The following DLG2 variants were observed in gnomAD, a reference collection of about 807,000 sequenced individuals.
DLG2 encodes discs large MAGUK scaffold protein 2, also known as disks large homolog 2.
Under a neutral mutation model 132.5 loss-of-function variants are expected in DLG2, and 45 were observed. The observed-to-expected ratio is 0.34, with a 90% CI of 0.27 to 0.44. The LOEUF (loss-of-function observed/expected upper bound fraction) is 0.44. Ranked by LOEUF, DLG2 falls within the 20% of genes least tolerant of loss-of-function variation. The probability of loss-of-function intolerance (pLI) is 1.00; values close to 1 mark genes in which losing one functional copy is unlikely to be tolerated. For missense variants in DLG2, 1,045 were observed against 1,196.9 expected, an observed-to-expected ratio of 0.87 and a Z score of 1.87; for synonymous variants, 424 against 419.6, an observed-to-expected ratio of 1.01 and a Z score of -0.13.
intron 3 of DLG2, among the ~76,000 whole-genome samples, chr11:85,472,851 A>T (rs2093028849): frequency 6.6e-6 from 1 of 152,216 alleles, no homozygotes; most frequent in Non-Finnish European, 1.5e-5. Context: ...AATGAGCTGT[A>T]ACACAAACTA....
intron 18 of DLG2, chr11:83,647,224 C>G (rs1480991468): frequency 1.4e-5 from 2 of 139,910 alleles, no homozygotes; most frequent in African/African-American, 5.3e-5. Context: ...GGTTAAAAGC[C>G]TGGTTACCAG....
chr11:85,390,336 C>T (rs990881318), intron 3 of DLG2, among the ~76,000 whole-genome samples: 1 of 151,974 alleles, frequency 6.6e-6, no homozygotes. Flanking sequence ...CTGACATTGG[C>T]ACTCCCAAAT....
chr11:84,496,338 G>T (rs1387227525), intron 7 of DLG2, among the ~76,000 whole-genome samples: 1 of 152,138 alleles, frequency 6.6e-6, no homozygotes, highest in East Asian at 1.9e-4. Flanking sequence ...GGTGAGCTCT[G>T]TGTGTTTTCA....
At chr11:84,913,576 G>T (rs192951842) in intron 6 of DLG2, among the ~76,000 whole-genome samples, 73 of 151,408 alleles carry the variant, frequency 4.8e-4, no homozygotes, top group African/African-American at 1.7e-3. Context: ...TTAATGACAT[G>T]ATTCTTATCT....
At chr11:83,763,198 T>C (rs1402452473) in intron 18 of DLG2, among the ~76,000 whole-genome samples, 3 of 152,196 alleles carry the variant, frequency 2.0e-5, no homozygotes, top group Non-Finnish European at 2.9e-5. Context: ...ATTTTAGGTT[T>C]AGGCGTATAT....
intron 18 of DLG2, among the ~76,000 whole-genome samples, chr11:83,720,383 T>C (rs2088162966): frequency 6.7e-6 from 1 of 149,020 alleles, no homozygotes; most frequent in African/African-American, 2.5e-5. Flanking sequence ...ACCATTTCTG[T>C]TTCTCAAGCT....
intron 15 of DLG2, among the ~76,000 whole-genome samples, chr11:83,877,289 T>C (rs1442832630): frequency 6.6e-6 from 1 of 152,148 alleles, no homozygotes; most frequent in Non-Finnish European, 1.5e-5. Flanking sequence ...TTTTTCCGTA[T>C]ACTTATTGGC....
intron 6 of DLG2, among the ~76,000 whole-genome samples, chr11:84,908,426 A>T (rs781587992): frequency 6.6e-6 from 1 of 152,042 alleles, no homozygotes; most frequent in African/African-American, 2.4e-5. Flanking sequence ...TCCAGTCGTT[A>T]CTCTATCAGA....
chr11:84,843,883 T>A (rs1471275995), intron 6 of DLG2, among the ~76,000 whole-genome samples: 10 of 151,456 alleles, frequency 6.6e-5, no homozygotes, highest in African/African-American at 2.4e-4. Context: ...TATATACTTA[T>A]TTCTTTATTT....
chr11:83,939,581 T>C (rs886992484), intron 14 of DLG2, among the ~76,000 whole-genome samples: 1 of 152,156 alleles, frequency 6.6e-6, no homozygotes, highest in Non-Finnish European at 1.5e-5. Flanking sequence ...AAATATAATA[T>C]TACAGAATAA....
chr11:84,111,447 AG>A (rs1419352276), intron 9 of DLG2, among the ~76,000 whole-genome samples: 8 of 152,124 alleles, frequency 5.3e-5, no homozygotes, highest in African/African-American at 1.9e-4. Context: ...TCTGGAAGGC[AG>A]GGGCCCCACT....
chr11:84,924,820 G>A (rs2092917327), intron 6 of DLG2, among the ~76,000 whole-genome samples: 1 of 152,080 alleles, frequency 6.6e-6, no homozygotes, highest in South Asian at 2.1e-4. Flanking sequence ...CAAATTATAA[G>A]CACTTACAAC....
At chr11:84,581,539 A>G (rs2099516245) in intron 6 of DLG2, among the ~76,000 whole-genome samples, 1 of 152,228 alleles carries the variant, frequency 6.6e-6, no homozygotes, top group Non-Finnish European at 1.5e-5. Context: ...TTAATTTTAA[A>G]CATATGATAG....
chr11:84,923,271 G>C (rs2092845009), intron 6 of DLG2: 4 of 1,488,664 alleles, frequency 2.7e-6, no homozygotes, highest in East Asian at 2.5e-5. Context: ...ACTACAAAAC[G>C]ACATGTCTTG....
At chr11:83,782,459 T>C (rs2094870470) in intron 18 of DLG2, among the ~76,000 whole-genome samples, 2 of 152,208 alleles carry the variant, frequency 1.3e-5, no homozygotes, top group African/African-American at 4.8e-5. Flanking sequence ...ACTGTCATAA[T>C]GGGCACACCA....
intron 17 of DLG2, among the ~76,000 whole-genome samples, chr11:83,797,485 T>G (rs1263977465): frequency 6.6e-6 from 1 of 151,924 alleles, no homozygotes; most frequent in African/African-American, 2.4e-5. Context: ...GGCAGTGTGG[T>G]TTAAGTGTCT....
intron 3 of DLG2, among the ~76,000 whole-genome samples, chr11:85,350,761 G>C (rs933631367): frequency 6.6e-6 from 1 of 152,124 alleles, no homozygotes; most frequent in South Asian, 2.1e-4. Flanking sequence ...CTGTTCCATT[G>C]GTCTATGTCT....
At position 84,602,338 on chromosome 11, in the gene DLG2, T is replaced by C. The variant is rs558036298; in HGVS notation, c.358-67607A>G. 2.0e-5 allele frequency among the ~76,000 whole-genome samples: 3 copies of C among 148,424 alleles called. 1 individual carries two copies. The highest frequency in any genetic ancestry group is 4.2e-4 in the South Asian group (2 of 4,736). ...TCCATTCTACTGGTGAAAAAAAAAA[T>C]AGGGAATTTAACTGACTTGCCCAAT... On this transcript the variant is annotated intron_variant, in intron 6 of 27. Coordinates refer to ENST00000376104, the MANE Select transcript of DLG2 (RefSeq NM_001142699.3).
At chr11:84,708,712 C>T (rs890927423) in intron 6 of DLG2, among the ~76,000 whole-genome samples, 1 of 151,808 alleles carries the variant, frequency 6.6e-6, no homozygotes, top group Non-Finnish European at 1.5e-5. Flanking sequence ...TTATAAAACC[C>T]TTTTCTTTCC....
Sources: gnomAD v4.1 joint callset for allele counts (sites outside exome capture counted in the v4.1 genomes callset) on GRCh38, gnomAD v4.1.1 for gene constraint, MANE v1.5 for transcripts, NCBI Gene and HGNC (gene_info 2026-07-23, HGNC 2026-07-21) for gene names.